Variants in DNAI7 observed in about 807,000 individuals in gnomAD.
DNAI7 encodes the protein dynein axonemal intermediate chain 7, also known as cancer susceptibility 1.
In DNAI7, 78 loss-of-function variants were observed where a neutral mutation model predicts 86.6. That is an observed-to-expected ratio of 0.90 (90% CI 0.75 to 1.09). DNAI7 has a LOEUF of 1.09. Ranked by LOEUF, DNAI7 falls within the 50% of genes least tolerant of loss-of-function variation. The pLI is 0.00. For synonymous variants in DNAI7, 274 were observed against 273.0 expected (o/e 1.00, Z -0.04); for missense variants, 753 against 810.2 (o/e 0.93, Z 0.86).
intron 1 of DNAI7, among the ~76,000 whole-genome samples, chr12:25,190,874 T>C (rs1307436210): frequency 6.6e-6 from 1 of 152,166 alleles, no homozygotes; most frequent in Non-Finnish European, 1.5e-5. Flanking sequence ...TACTGAACCA[T>C]TTTTTTGTAT....
At chr12:25,143,379 G>C (rs913223172) in intron 9 of DNAI7, among the ~76,000 whole-genome samples, 1 of 151,682 alleles carries the variant, frequency 6.6e-6, no homozygotes, top group African/African-American at 2.4e-5. Context: ...CTCCCAAGTA[G>C]CTGGGATTAC....
At chr12:25,164,836 T>A (rs532362617) in intron 2 of DNAI7, among the ~76,000 whole-genome samples, 1 of 151,912 alleles carries the variant, frequency 6.6e-6, no homozygotes, top group African/African-American at 2.4e-5. Flanking sequence ...AGGTCACAAT[T>A]CTTCCTCAGC....
In DNAI7 at chr12:25,108,824, C is replaced by CAAAAAAAAAAAAAAAAAAA; in HGVS notation, c.1894-2_1894-1insTTTTTTTTTTTTTTTTTTT. On this transcript the variant is annotated splice_acceptor_variant, in intron 15 of 15. Transcript: ENST00000395987. LOFTEE classifies it high-confidence loss of function. ...ATGCTTCAGTAAGGTGTTCCCTCAC[C>CAAAAAAAAAAAAAAAAAAA]TAAAAAAAAAAAAAATTCAAGCAAG... 4 of 113,440 alleles carry CAAAAAAAAAAAAAAAAAAA rather than the reference C, an allele frequency of 3.5e-5. No individual in the cohort carries two copies. The highest frequency in any genetic ancestry group is 2.7e-5 in the Non-Finnish European group (2 of 74,222). The allele number at this position is 113,440 out of a possible 1,614,324, so 7.0% of individuals were successfully genotyped here.
Position 25,121,816 on chromosome 12 carries a change from G to C in DNAI7, c.1176C>G (p.Tyr392Ter). 6.2e-7 allele frequency: 1 copy of C among 1,607,032 alleles called. No individual in the cohort carries two copies. The highest frequency in any genetic ancestry group is 8.5e-7 in the Non-Finnish European group (1 of 1,177,958). ...LCQFTTLGGV[Y>*]HLDILELPPQ... ...GAGGAAGCTCCAAAATATCCAAGTG[G>C]TATACTCCACCCAGAGTTGTGAACT... Residue 392 changes from tyrosine to a stop codon, truncating the protein, a stop_gained, in exon 11 of 16, where the codon TAC becomes TAG. Coordinates refer to ENST00000395987, the MANE Select transcript of DNAI7 (RefSeq NM_018272.5). LOFTEE classifies it high-confidence loss of function.
At chr12:25,166,806 T>C (rs935331849) in intron 2 of DNAI7, among the ~76,000 whole-genome samples, 37 of 152,320 alleles carry the variant, frequency 2.4e-4, no homozygotes, top group African/African-American at 7.5e-4. Flanking sequence ...GCCGCTGCTT[T>C]AATACTTTTA....
chr12:25,111,716 T>A (rs1333454747), intron 14 of DNAI7, 56 bp downstream of exon 14: 31 of 1,100,120 alleles, frequency 2.8e-5, no homozygotes, highest in Non-Finnish European at 2.0e-5. Context: ...TAACATTTAA[T>A]AATTGCTAAC....
intron 2 of DNAI7, among the ~76,000 whole-genome samples, chr12:25,184,749 T>C (rs1295352250): frequency 2.0e-5 from 3 of 152,166 alleles, no homozygotes; most frequent in African/African-American, 4.8e-5. Flanking sequence ...TTTCAGCACA[T>C]TGAAGACATC....
intron 2 of DNAI7, among the ~76,000 whole-genome samples, chr12:25,166,490 T>C (rs975169559): frequency 2.8e-4 from 43 of 152,156 alleles, no homozygotes; most frequent in African/African-American, 9.7e-5. Flanking sequence ...TTCAGCAAAT[T>C]ACCTGGGCTA....
chr12:25,144,643 C>T lies in DNAI7; in HGVS notation c.724G>A (p.Gly242Arg). The T allele has an allele frequency of 6.2e-7, 1 of 1,613,758 alleles. No individual in the cohort carries two copies. The highest frequency in any genetic ancestry group is 8.5e-7 in the Non-Finnish European group (1 of 1,179,868). ...GCTAATATCCTTGGAATCTCAAATC[C>T]AATTTGTGTTTCAGAGAATCTAACA... ...RSVRFSETQI[G>R]FEIPRILATS... is the part of the protein sequence containing the mutation. The change falls in exon 9 of 16, where the codon GGA (glycine) becomes AGA (arginine). Residue 242 changes from glycine (G) to arginine (R), a missense_variant. Physicochemically the swap from Gly to Arg is moderately radical, Grantham distance 125. Transcript: ENST00000395987.
intron 2 of DNAI7, among the ~76,000 whole-genome samples, chr12:25,190,096 C>G (rs1000833790): frequency 8.6e-5 from 13 of 150,638 alleles, no homozygotes; most frequent in Admixed American, 2.0e-4. Context: ...AAGTATAAAT[C>G]TACAAAGTAA....
At chr12:25,128,912 A>C (rs1450088468) in intron 9 of DNAI7, among the ~76,000 whole-genome samples, 1 of 152,014 alleles carries the variant, frequency 6.6e-6, no homozygotes, top group Non-Finnish European at 1.5e-5. Flanking sequence ...ACTCCTACTT[A>C]CCACCCTCTA....
intron 9 of DNAI7, among the ~76,000 whole-genome samples, chr12:25,133,707 C>T (rs1374058167): frequency 6.6e-6 from 1 of 152,186 alleles, no homozygotes; most frequent in Non-Finnish European, 1.5e-5. Context: ...GATACATAAG[C>T]ATAAGCGTCT....
At chr12:25,145,065 T>C (rs1162608677) in intron 8 of DNAI7, among the ~76,000 whole-genome samples, 1 of 152,202 alleles carries the variant, frequency 6.6e-6, no homozygotes, top group Non-Finnish European at 1.5e-5. Flanking sequence ...CAGAGGTTTG[T>C]AATATGAGCT....
chr12:25,183,267 C>T (rs1050223216), intron 2 of DNAI7, among the ~76,000 whole-genome samples: 20 of 151,880 alleles, frequency 1.3e-4, no homozygotes, highest in African/African-American at 4.8e-4. Context: ...TGAAAAACTA[C>T]GTATTGGGAC....
At chr12:25,145,489 A>C (rs1383951102) in intron 8 of DNAI7, among the ~76,000 whole-genome samples, 1 of 152,182 alleles carries the variant, frequency 6.6e-6, no homozygotes, top group Non-Finnish European at 1.5e-5. Context: ...TATTCTTTTA[A>C]AACTATAAAG....
chr12:25,180,009 T>A (rs1949351559), intron 2 of DNAI7, among the ~76,000 whole-genome samples: 1 of 152,180 alleles, frequency 6.6e-6, no homozygotes, highest in South Asian at 2.1e-4. Context: ...TTATCTTTGT[T>A]CACTGACAAC....
chr12:25,187,028 T>C (rs1300699026), intron 2 of DNAI7, among the ~76,000 whole-genome samples: 1 of 152,178 alleles, frequency 6.6e-6, no homozygotes, highest in African/African-American at 2.4e-5. Context: ...GCAATCAAAG[T>C]GATCTTTTAA....
chr12:25,117,592 T>G (rs1226783543), intron 12 of DNAI7, among the ~76,000 whole-genome samples: 1 of 152,120 alleles, frequency 6.6e-6, no homozygotes, highest in African/African-American at 2.4e-5. Flanking sequence ...TTTTCAAAAT[T>G]CAGCAAGCCT....
chr12:25,194,967 G>A, intron 1 of DNAI7, 109 bp downstream of exon 1: 1 of 1,614,216 alleles, frequency 6.2e-7, no homozygotes, highest in Non-Finnish European at 8.5e-7. Flanking sequence ...TTCCCAAACC[G>A]ACCCGCTTCG....
Sources: allele counts gnomAD v4.1 joint callset (sites outside exome capture counted in the v4.1 genomes callset), GRCh38; gene constraint gnomAD v4.1.1; transcripts MANE v1.5; gene names NCBI Gene and HGNC (gene_info 2026-07-23, HGNC 2026-07-21).